Variants in TTC28 observed in about 807,000 individuals in gnomAD.
TTC28 encodes the protein tetratricopeptide repeat domain 28, also known as tetratricopeptide repeat protein 28.
In TTC28, 61 loss-of-function variants were observed where a neutral mutation model predicts 198.0. That is an observed-to-expected ratio of 0.31 (90% CI 0.25 to 0.38). The LOEUF (loss-of-function observed/expected upper bound fraction) is 0.38. Among genes scored for constraint, TTC28 ranks in the 10% least tolerant of loss-of-function variants. The pLI, the probability that TTC28 is intolerant of heterozygous loss-of-function variation, is 1.00. For missense variants in TTC28, 2,678 were observed against 3,164.0 expected (o/e 0.85, Z 3.69); for synonymous variants, 1,171 against 1,297.8 (o/e 0.90, Z 2.10).
chr22:28,203,403 T>C (rs1445793303), intron 5 of TTC28, among the ~76,000 whole-genome samples: 1 of 152,176 alleles, frequency 6.6e-6, no homozygotes, highest in Non-Finnish European at 1.5e-5. Flanking sequence ...GGTAGCTATT[T>C]TTATTGTAAC....
intron 2 of TTC28, among the ~76,000 whole-genome samples, chr22:28,402,649 G>T (rs983983095): frequency 9.2e-5 from 14 of 152,144 alleles, no homozygotes; most frequent in African/African-American, 3.4e-4. Context: ...TCAAACCTCA[G>T]ATCACTATGT....
At chr22:28,282,506 T>C (rs1200499044) in intron 5 of TTC28, among the ~76,000 whole-genome samples, 3 of 152,232 alleles carry the variant, frequency 2.0e-5, no homozygotes, top group South Asian at 4.1e-4. Context: ...AATGTGGTTA[T>C]TGTGATTGGG....
At chr22:28,156,705 T>C (rs1407025834) in intron 6 of TTC28, among the ~76,000 whole-genome samples, 2 of 152,196 alleles carry the variant, frequency 1.3e-5, no homozygotes, top group African/African-American at 4.8e-5. Context: ...AAAGTGATGC[T>C]CAGGCAGGAA....
intron 1 of TTC28, among the ~76,000 whole-genome samples, chr22:28,678,751 T>G (rs562158677): frequency 6.6e-6 from 1 of 152,330 alleles, no homozygotes; most frequent in East Asian, 1.9e-4. Flanking sequence ...TCATCTACAG[T>G]GTGTCAGGCA....
At chr22:28,335,084 CT>C (rs2045687887) in intron 2 of TTC28, among the ~76,000 whole-genome samples, 1 of 151,962 alleles carries the variant, frequency 6.6e-6, no homozygotes, top group East Asian at 1.9e-4. Context: ...GCTAGCCAGT[CT>C]TCCCAGCACC....
chr22:28,409,856 C>T (rs1056543186), intron 2 of TTC28, among the ~76,000 whole-genome samples: 2 of 151,616 alleles, frequency 1.3e-5, no homozygotes, highest in East Asian at 3.9e-4. Flanking sequence ...TGGGGCTTCA[C>T]CATGTTGGCC....
Position 28,679,738 on chromosome 22 carries a change from G to A in TTC28, c.-15C>T. On this transcript the variant is annotated 5_prime_UTR_variant, in exon 1 of 23. Transcript: ENST00000397906. ...GACTGCTCCATCCCCACGGGGCCCG[G>A]GCCGCGTCCGCCTCGAGCTAACGGT... 8.3e-7 allele frequency: 1 copy of A among 1,208,424 alleles called. No individual in the cohort carries two copies. The highest frequency in any genetic ancestry group is 1.0e-6 in the Non-Finnish European group (1 of 969,876). The allele number at this position is 1,208,424 out of a possible 1,614,324, so 74.9% of individuals were successfully genotyped here. A position where few individuals can be genotyped will look rare whatever the true frequency, so the allele number is the denominator to read the frequency against.
At chr22:28,354,351 A>T (rs942242211) in intron 2 of TTC28, among the ~76,000 whole-genome samples, 1 of 152,234 alleles carries the variant, frequency 6.6e-6, no homozygotes, top group Admixed American at 6.5e-5. Flanking sequence ...AGCCAAAAAA[A>T]ATGAAATTCT....
At position 28,306,491 on chromosome 22, in the gene TTC28, T is replaced by G; in HGVS notation, c.529+5A>C. 6.5e-7 allele frequency: 1 copy of G among 1,548,586 alleles called. No individual in the cohort carries two copies. The highest frequency in any genetic ancestry group is 8.7e-7 in the Non-Finnish European group (1 of 1,146,174). ...TGTTATACCAAGTACTTTTATCATA[T>G]TTACCTCTCATGGGAGATTTCATGG... On this transcript the variant is annotated splice_donor_5th_base_variant and intron_variant, in intron 3 of 22. Transcript: ENST00000397906.
intron 5 of TTC28, among the ~76,000 whole-genome samples, chr22:28,183,005 C>A (rs1333244833): frequency 6.6e-6 from 1 of 151,492 alleles, no homozygotes; most frequent in African/African-American, 2.4e-5. Context: ...TAGGACTCTT[C>A]AGAGCAGAAT....
At chr22:27,986,644 G>A (rs192453689) in intron 21 of TTC28, among the ~76,000 whole-genome samples, 10 of 152,286 alleles carry the variant, frequency 6.6e-5, no homozygotes, top group African/African-American at 1.9e-4. Flanking sequence ...CATAGTACAC[G>A]ATGTTACTGT....
intron 2 of TTC28, among the ~76,000 whole-genome samples, chr22:28,487,286 T>A (rs1439816634): frequency 6.6e-6 from 1 of 151,982 alleles, no homozygotes; most frequent in Non-Finnish European, 1.5e-5. Flanking sequence ...CTGGATATTA[T>A]AAAAATATCA....
intron 6 of TTC28, among the ~76,000 whole-genome samples, chr22:28,137,059 C>T (rs1377929999): frequency 1.3e-5 from 2 of 152,192 alleles, no homozygotes; most frequent in African/African-American, 4.8e-5. Context: ...CCAGTATTCT[C>T]ATGGCTGTTG....
chr22:28,186,085 A>G (rs2147115346), intron 5 of TTC28, among the ~76,000 whole-genome samples: 1 of 152,322 alleles, frequency 6.6e-6, no homozygotes, highest in African/African-American at 2.4e-5. Flanking sequence ...TTTTTTAAAA[A>G]TGGTATTGTC....
intron 6 of TTC28, among the ~76,000 whole-genome samples, chr22:28,121,071 TTTAA>T (rs1402580458): frequency 6.6e-6 from 1 of 152,202 alleles, no homozygotes; most frequent in Non-Finnish European, 1.5e-5. Flanking sequence ...TCCGTTTCTG[TTTAA>T]TTGAGAGGAA....
intron 12 of TTC28, among the ~76,000 whole-genome samples, chr22:28,086,092 TAGAC>T (rs1372981971): frequency 5.3e-5 from 8 of 152,046 alleles, no homozygotes; most frequent in African/African-American, 1.9e-4. Context: ...CTGTCAACAT[TAGAC>T]AGATCAACGA....
chr22:28,514,416 C>T (rs185325215), intron 2 of TTC28, among the ~76,000 whole-genome samples: 473 of 152,230 alleles, frequency 3.1e-3, no homozygotes, highest in Non-Finnish European at 5.1e-3. Context: ...AAATATTCTC[C>T]CAGCTTTACT....
chr22:28,303,693 T>C (rs1308794878), intron 3 of TTC28: 2 of 152,308 alleles, frequency 1.3e-5, no homozygotes, highest in African/African-American at 2.4e-5. Context: ...TATGAGAGTT[T>C]TGTCTGCTTA....
chr22:28,043,711 A>G (rs1939755677), intron 12 of TTC28, among the ~76,000 whole-genome samples: 1 of 152,184 alleles, frequency 6.6e-6, no homozygotes, highest in Non-Finnish European at 1.5e-5. Flanking sequence ...CTTTGGATTA[A>G]GCAAGGTTTG....
Sources: allele counts gnomAD v4.1 joint callset (sites outside exome capture counted in the v4.1 genomes callset), GRCh38; gene constraint gnomAD v4.1.1; transcripts MANE v1.5; gene names NCBI Gene and HGNC (gene_info 2026-07-23, HGNC 2026-07-21).